SESN1: variants seen among roughly 807,000 people sequenced by gnomAD.
SESN1 encodes the protein sestrin 1, also known as sestrin-1.
Under a neutral mutation model 59.3 loss-of-function variants are expected in SESN1, and 30 were observed. That is an observed-to-expected ratio of 0.51 (90% confidence interval 0.38 to 0.69). The LOEUF (loss-of-function observed/expected upper bound fraction) is 0.69, where lower values mean the gene tolerates loss of function less well. Ranked by LOEUF, SESN1 falls within the 30% of genes least tolerant of loss-of-function variation. SESN1 has a pLI of 0.00. For missense variants in SESN1, 566 were observed against 673.0 expected, an observed-to-expected ratio of 0.84 and a Z score of 1.76; for synonymous variants, 197 against 219.9, an observed-to-expected ratio of 0.90 and a Z score of 0.92.
At chr6:109,035,547 G>A (rs1194670820) in intron 1 of SESN1, among the ~76,000 whole-genome samples, 2 of 148,314 alleles carry the variant, frequency 1.3e-5, no homozygotes, top group East Asian at 2.0e-4. Flanking sequence ...CCCGGCAGAG[G>A]GAAAAAAAAA....
intron 1 of SESN1, chr6:109,009,254 G>A: frequency 9.3e-6 from 10 of 1,071,616 alleles, no homozygotes; most frequent in Non-Finnish European, 1.2e-5. Flanking sequence ...CTGACCGGGA[G>A]CGACTGTGAG....
At position 108,985,499 on chromosome 6, in the gene SESN1, A is replaced by T. The variant is rs1007435585; in HGVS notation, c.*2045T>A. 4.6e-5 allele frequency among the ~76,000 whole-genome samples: 7 copies of T among 152,236 alleles called. No individual in the cohort carries two copies. Among genetic ancestry groups the T allele is most frequent in the Non-Finnish European group, 1.0e-4 (7 of 68,042 alleles). On this transcript the variant is annotated 3_prime_UTR_variant, in exon 10 of 10. Coordinates refer to ENST00000436639, the MANE Select transcript of SESN1 (RefSeq NM_014454.3). ...AGTTTTGAGAAAACACTCCAACAGG[A>T]AGCACCTGCTAAATGGAAGGCATTG...
intron 1 of SESN1, among the ~76,000 whole-genome samples, chr6:109,073,567 G>A (rs939948617): frequency 1.1e-4 from 16 of 152,042 alleles, no homozygotes; most frequent in African/African-American, 3.9e-4. Context: ...GCCATCTAGC[G>A]CTCATAAAAG....
At chr6:109,046,892 G>A (rs1298655690) in intron 1 of SESN1, among the ~76,000 whole-genome samples, 2 of 122,996 alleles carry the variant, frequency 1.6e-5, no homozygotes, top group African/African-American at 6.0e-5. Flanking sequence ...TCCGGCAGCT[G>A]CCCCGTCTGA....
chr6:108,987,573 G>A lies in SESN1; in HGVS notation c.1627C>T (p.Leu543=), dbSNP rs1424470952. 2 of 1,604,406 alleles carry A rather than the reference G, an allele frequency of 1.2e-6. No individual in the cohort carries two copies. Among genetic ancestry groups the A allele is most frequent in the Admixed American group, 3.3e-5 (2 of 59,974 alleles). ...GTCATATAGCGGGTAATGGCTCTCA[G>A]AGCATAAAGGAGTTCTGCTTGCATC... ...ARMQAELLYA[L]RAITRYMT The change falls in exon 10 of 10, where the codon CTG becomes TTG. Residue 543 remains leucine (L), a synonymous_variant. Coordinates refer to ENST00000436639, the MANE Select transcript of SESN1 (RefSeq NM_014454.3).
intron 1 of SESN1, chr6:109,008,682 A>G (rs1779785917): frequency 7.6e-6 from 5 of 659,772 alleles, no homozygotes; most frequent in Admixed American, 1.3e-4. Context: ...AGGTTACATT[A>G]GTAACTTTCA....
chr6:109,004,645 T>C (rs1397323911), intron 1 of SESN1, among the ~76,000 whole-genome samples: 4 of 152,168 alleles, frequency 2.6e-5, no homozygotes, highest in African/African-American at 9.7e-5. Flanking sequence ...TTAGCCAGGA[T>C]GGTCTCAATC....
chr6:109,003,214 AT>A (rs1562456769), intron 1 of SESN1, among the ~76,000 whole-genome samples: 2 of 151,520 alleles, frequency 1.3e-5, no homozygotes, highest in Non-Finnish European at 2.9e-5. Context: ...TCATTTAAAA[AT>A]TTTTTTTAGA....
Position 109,066,217 on chromosome 6 carries a change from A to G in SESN1, c.279+27578T>C, listed in dbSNP as rs182883131. On this transcript the variant is annotated intron_variant, in intron 1 of 9. Coordinates refer to ENST00000436639, the MANE Select transcript of SESN1 (RefSeq NM_014454.3). ...AATACACAAATTTGTGATTTCTACC[A>G]AACTCTTTCCCTAGAGCCTTTGCTG... is the stretch of plus-strand genomic sequence containing the variant. Among the ~76,000 whole-genome samples the G allele has an allele frequency of 8.5e-4, 130 of 152,248 alleles. 1 individual carries two copies. Among genetic ancestry groups the G allele is most frequent in the Non-Finnish European group, 1.5e-3 (100 of 67,982 alleles).
chr6:109,062,346 G>C (rs140414179), intron 1 of SESN1, among the ~76,000 whole-genome samples: 6 of 152,340 alleles, frequency 3.9e-5, no homozygotes, highest in African/African-American at 1.4e-4. Context: ...TAAGCAAAGA[G>C]GGCCTGTGAG....
intron 5 of SESN1, among the ~76,000 whole-genome samples, chr6:108,995,601 C>T (rs1244309094): frequency 6.6e-6 from 1 of 152,198 alleles, no homozygotes; most frequent in African/African-American, 2.4e-5. Flanking sequence ...GCAATTTATA[C>T]CTTTCTTATA....
At chr6:109,016,429 T>TA (rs1428186702) in intron 1 of SESN1, among the ~76,000 whole-genome samples, 2 of 152,204 alleles carry the variant, frequency 1.3e-5, no homozygotes, top group African/African-American at 4.8e-5. Context: ...TATAATCCTT[T>TA]AAACCACCTT....
intron 1 of SESN1, among the ~76,000 whole-genome samples, chr6:109,077,824 C>T (rs370790475): frequency 7.2e-5 from 11 of 152,256 alleles, no homozygotes; most frequent in African/African-American, 2.4e-4. Flanking sequence ...AAACCTGTAA[C>T]CCATGGAAAC....
intron 4 of SESN1, 23 bp from the exon 5 acceptor site, chr6:108,998,778 A>C: frequency 3.1e-6 from 5 of 1,590,380 alleles, no homozygotes; most frequent in Non-Finnish European, 4.3e-6. Context: ...AAAAAAAAGA[A>C]TATATTTTTG....
At position 108,993,190 on chromosome 6, in the gene SESN1, G is replaced by A. The variant is rs78377844; in HGVS notation, c.1121-291C>T. 7.9e-3 allele frequency among the ~76,000 whole-genome samples: 1,198 copies of A among 152,050 alleles called. 20 individuals carry two copies. The highest frequency in any genetic ancestry group is 0.028 in the African/African-American group (1,150 of 41,462). ...ATTCCAATTTATATGTATTAGGTTC[G>A]ACTTATTCAAAGTATGAACATACTT... On this transcript the variant is annotated intron_variant, in intron 6 of 9. Coordinates refer to ENST00000436639, the MANE Select transcript of SESN1 (RefSeq NM_014454.3).
At chr6:109,057,678 G>A (rs1006122397) in intron 1 of SESN1, among the ~76,000 whole-genome samples, 1 of 152,180 alleles carries the variant, frequency 6.6e-6, no homozygotes, top group African/African-American at 2.4e-5. Flanking sequence ...GGAACTCCTA[G>A]TATTTAAAGG....
intron 1 of SESN1, among the ~76,000 whole-genome samples, chr6:109,085,597 A>G (rs1781201194): frequency 6.6e-6 from 1 of 152,194 alleles, no homozygotes. Context: ...TTTCCTGAGT[A>G]TATTCTGCCA....
intron 1 of SESN1, among the ~76,000 whole-genome samples, chr6:109,084,954 G>A (rs1048314364): frequency 1.3e-5 from 2 of 151,888 alleles, no homozygotes; most frequent in African/African-American, 4.8e-5. Flanking sequence ...TACCAACTGG[G>A]AAAATCTAAT....
rs1281978775 is a variant in SESN1 at position 108,985,841 on chromosome 6, G to A, written c.*1703C>T. Among the ~76,000 whole-genome samples the A allele has an allele frequency of 1.3e-5, 2 of 152,182 alleles. No individual in the cohort carries two copies. Among genetic ancestry groups the A allele is most frequent in the Non-Finnish European group, 1.5e-5 (1 of 68,024 alleles). On this transcript the variant is annotated 3_prime_UTR_variant, in exon 10 of 10. Transcript: ENST00000436639. ...GACAAAGGCATGATGCATATTCAATGAGTAATGCACTTATAAGTAAGTTTC... is the reference window on the plus strand; with the variant it reads ...GACAAAGGCATGATGCATATTCAATAAGTAATGCACTTATAAGTAAGTTTC...
Sources: gnomAD v4.1 joint callset for allele counts (sites outside exome capture counted in the v4.1 genomes callset) on GRCh38, gnomAD v4.1.1 for gene constraint, MANE v1.5 for transcripts, NCBI Gene and HGNC (gene_info 2026-07-23, HGNC 2026-07-21) for gene names.